ROBO1: variants seen among roughly 807,000 people sequenced by gnomAD.
ROBO1 encodes roundabout guidance receptor 1.
ROBO1 carries 149 observed loss-of-function variants against 195.9 expected under a neutral mutation model. The ratio of observed to expected loss-of-function variants is 0.76; its 90% CI spans 0.67 to 0.87. The LOEUF is 0.87. Among genes scored for constraint, ROBO1 ranks in the 40% least tolerant of loss-of-function variants. ROBO1 has a pLI of 0.00. For missense variants in ROBO1, 1,933 were observed against 2,068.3 expected, an observed-to-expected ratio of 0.93 and a Z score of 1.27; for synonymous variants, 816 against 733.2, an observed-to-expected ratio of 1.11 and a Z score of -1.82.
intron 4 of ROBO1, among the ~76,000 whole-genome samples, chr3:78,833,636 G>A (rs2032434995): frequency 6.6e-6 from 1 of 152,092 alleles, no homozygotes; most frequent in African/African-American, 2.4e-5. Context: ...TAGGATTGTT[G>A]TGTGGAATCA....
intron 2 of ROBO1, among the ~76,000 whole-genome samples, chr3:79,529,040 C>G (rs1017545298): frequency 2.0e-5 from 3 of 152,188 alleles, no homozygotes; most frequent in Admixed American, 6.5e-5. Flanking sequence ...TTTTGCAATA[C>G]TTTTTGTTAG....
chr3:78,771,999 T>C (rs72892461), intron 4 of ROBO1, among the ~76,000 whole-genome samples: 37,761 of 152,020 alleles, frequency 0.25, 4,845 homozygotes, highest in Non-Finnish European at 0.27. Context: ...ACATAGGCAT[T>C]AAATATAATG....
chr3:78,598,887 A>T lies in ROBO1; in HGVS notation c.*26T>A. 6.6e-7 allele frequency: 1 copy of T among 1,523,104 alleles called. No individual in the cohort carries two copies. Among genetic ancestry groups the T allele is most frequent in the Non-Finnish European group, 8.9e-7 (1 of 1,119,008 alleles). 94.3% of individuals were successfully genotyped at this position (1,523,104 alleles called of 1,614,324 possible). On this transcript the variant is annotated 3_prime_UTR_variant, in exon 31 of 31. Transcript: ENST00000464233. ...CATCTTGAGTGATGATTTTCACATT[A>T]GATCTCATAAGCCTCTTGGTTGTCT... is the stretch of plus-strand genomic sequence containing the variant.
Position 78,727,422 on chromosome 3 carries a change from T to C in ROBO1, c.658-9539A>G, listed in dbSNP as rs771196525. Among the ~76,000 whole-genome samples the C allele has an allele frequency of 2.6e-3, 396 of 152,136 alleles. 3 individuals carry two copies. Among genetic ancestry groups the C allele is most frequent in the African/African-American group, 8.9e-3 (368 of 41,528 alleles). The stretch of plus-strand genomic sequence containing the variant: ...CGGGCGGATCACAAGGTCAGGAGAT[T>C]GAGACCATCCTGGCTAACACGGTGA... On this transcript the variant is annotated intron_variant, in intron 5 of 30. Coordinates refer to ENST00000464233, the MANE Select transcript of ROBO1 (RefSeq NM_002941.4).
At chr3:79,157,551 C>G (rs759635232) in intron 2 of ROBO1, among the ~76,000 whole-genome samples, 6 of 152,012 alleles carry the variant, frequency 3.9e-5, no homozygotes, top group African/African-American at 9.6e-5. Flanking sequence ...ACTTATCACA[C>G]TTTCAGAATT....
intron 3 of ROBO1, among the ~76,000 whole-genome samples, chr3:79,036,934 G>C (rs1446966704): frequency 6.6e-6 from 1 of 152,124 alleles, no homozygotes; most frequent in Non-Finnish European, 1.5e-5. Context: ...AGATTCTCGA[G>C]TTCTCATAGC....
intron 1 of ROBO1, among the ~76,000 whole-genome samples, chr3:79,652,514 A>G (rs1407866942): frequency 6.6e-6 from 1 of 152,088 alleles, no homozygotes; most frequent in Non-Finnish European, 1.5e-5. Context: ...TGCAATTATA[A>G]TTGTGTTATT....
intron 2 of ROBO1, among the ~76,000 whole-genome samples, chr3:79,322,957 G>A (rs1490740497): frequency 6.6e-6 from 1 of 151,818 alleles, no homozygotes; most frequent in African/African-American, 2.4e-5. Context: ...AAATGTATAG[G>A]GAAAATTTTG....
rs573358041 is a variant in ROBO1, at chr3:79,632,958, A to C, written c.-50-42997T>G. 9.2e-5 allele frequency among the ~76,000 whole-genome samples: 14 copies of C among 152,258 alleles called. No individual in the cohort carries two copies. The South Asian group carries it at 2.9e-3, about 32-fold the overall frequency. ...ATGAAACAAAAACCCAATAAGAAGC[A>C]AGAAGACATTTTGAACACTTCATTG... is the stretch of plus-strand genomic sequence containing the variant. On this transcript the variant is annotated intron_variant, in intron 1 of 30. Transcript: ENST00000464233.
At chr3:79,639,496 A>T (rs886192719) in intron 1 of ROBO1, among the ~76,000 whole-genome samples, 5 of 152,096 alleles carry the variant, frequency 3.3e-5, no homozygotes, top group Non-Finnish European at 7.4e-5. Flanking sequence ...TTGGAAAAAA[A>T]CTCATAAGCA....
chr3:79,634,577 A>G (rs553569086), intron 1 of ROBO1, among the ~76,000 whole-genome samples: 2 of 152,220 alleles, frequency 1.3e-5, no homozygotes, highest in South Asian at 4.1e-4. Context: ...TCTCTTCATG[A>G]TTTTATATCC....
At chr3:78,878,861 A>G (rs2036013935) in intron 4 of ROBO1, among the ~76,000 whole-genome samples, 1 of 152,216 alleles carries the variant, frequency 6.6e-6, no homozygotes, top group Admixed American at 6.5e-5. Flanking sequence ...AAAAGTACCT[A>G]CTTCCCTATA....
intron 2 of ROBO1, among the ~76,000 whole-genome samples, chr3:79,345,592 A>T (rs987723758): frequency 6.6e-6 from 1 of 152,142 alleles, no homozygotes; most frequent in Non-Finnish European, 1.5e-5. Flanking sequence ...TCCCTCAGGC[A>T]CACAAAATAG....
intron 2 of ROBO1, among the ~76,000 whole-genome samples, chr3:79,353,002 C>T (rs6766006): frequency 0.13 from 20,478 of 152,060 alleles, 1,476 homozygotes; most frequent in Middle Eastern, 0.2. Flanking sequence ...AGTTAAGAAT[C>T]AATGTTAACT....
chr3:79,483,500 G>A (rs145501421), intron 2 of ROBO1, among the ~76,000 whole-genome samples: 62 of 152,256 alleles, frequency 4.1e-4, no homozygotes, highest in East Asian at 9.7e-4. Context: ...GTCATTAGGC[G>A]ATTAAGTCCT....
intron 1 of ROBO1, among the ~76,000 whole-genome samples, chr3:79,640,233 T>C (rs1021522075): frequency 6.6e-6 from 1 of 152,172 alleles, no homozygotes; most frequent in South Asian, 2.1e-4. Flanking sequence ...GTATTTAATA[T>C]GAATTGCAGT....
intron 2 of ROBO1, among the ~76,000 whole-genome samples, chr3:79,375,537 A>C (rs928265757): frequency 2.6e-5 from 4 of 152,192 alleles, no homozygotes; most frequent in African/African-American, 9.6e-5. Flanking sequence ...GTGGCCCTGA[A>C]GATAATTACA....
intron 2 of ROBO1, among the ~76,000 whole-genome samples, chr3:79,348,447 C>A (rs570739712): frequency 6.6e-6 from 1 of 152,180 alleles, no homozygotes; most frequent in Non-Finnish European, 1.5e-5. Flanking sequence ...AAAAATGAGG[C>A]AAAGTCTTCC....
At chr3:78,997,360 C>T (rs1051906294) in intron 3 of ROBO1, among the ~76,000 whole-genome samples, 3 of 151,986 alleles carry the variant, frequency 2.0e-5, no homozygotes, top group African/African-American at 7.2e-5. Context: ...CTAGGAAAAA[C>T]GTGGGTTGTT....
Sources: gnomAD v4.1 joint callset for allele counts (sites outside exome capture counted in the v4.1 genomes callset) on GRCh38, gnomAD v4.1.1 for gene constraint, MANE v1.5 for transcripts, NCBI Gene and HGNC (gene_info 2026-07-23, HGNC 2026-07-21) for gene names.